Variants in SLC9A9 observed in about 807,000 individuals in gnomAD.
The protein encoded by SLC9A9 is sodium/hydrogen exchanger 9.
A neutral mutation model predicts 77.8 loss-of-function variants in SLC9A9; 62 were observed. The observed-to-expected ratio is 0.80, with a 90% CI of 0.65 to 0.98. The LOEUF (loss-of-function observed/expected upper bound fraction) is 0.98. Among genes scored for constraint, SLC9A9 ranks in the 50% least tolerant of loss-of-function variants. SLC9A9 has a pLI of 0.00. For synonymous variants in SLC9A9, 320 were observed against 283.5 expected (o/e 1.13, Z -1.29); for missense variants, 775 against 774.9 (o/e 1.00, Z 0.00).
chr3:143,388,367 G>A (rs1454869735), intron 12 of SLC9A9, among the ~76,000 whole-genome samples: 1 of 152,194 alleles, frequency 6.6e-6, no homozygotes, highest in East Asian at 1.9e-4. Flanking sequence ...TTATTTAAGT[G>A]TGGCACAGTA....
intron 12 of SLC9A9, among the ~76,000 whole-genome samples, chr3:143,391,174 T>A (rs368268354): frequency 1.4e-4 from 21 of 152,340 alleles, no homozygotes; most frequent in African/African-American, 4.6e-4. Flanking sequence ...CCCTGACCCC[T>A]GAGTAGCCTA....
chr3:143,391,057 C>A (rs1347718970), intron 12 of SLC9A9, among the ~76,000 whole-genome samples: 1 of 152,226 alleles, frequency 6.6e-6, no homozygotes, highest in African/African-American at 2.4e-5. Flanking sequence ...CAGCAGAATC[C>A]TCTGCAGACT....
chr3:143,459,083 T>A (rs921349156), intron 12 of SLC9A9, among the ~76,000 whole-genome samples: 1 of 151,738 alleles, frequency 6.6e-6, no homozygotes, highest in Admixed American at 6.6e-5. Flanking sequence ...ATTCTAAATT[T>A]TTTATTTATT....
At chr3:143,736,511 T>C (rs1314786782) in intron 4 of SLC9A9, among the ~76,000 whole-genome samples, 1 of 152,164 alleles carries the variant, frequency 6.6e-6, no homozygotes, top group East Asian at 1.9e-4. Context: ...AGATGTTTAG[T>C]AAACGTTGAA....
chr3:143,309,369 C>T (rs1409937502), intron 14 of SLC9A9, among the ~76,000 whole-genome samples: 2 of 149,256 alleles, frequency 1.3e-5, no homozygotes, highest in Non-Finnish European at 3.0e-5. Context: ...TATGATTGTG[C>T]TTTGCAATTA....
At chr3:143,316,068 C>T (rs142079387) in intron 14 of SLC9A9, among the ~76,000 whole-genome samples, 232 of 152,274 alleles carry the variant, frequency 1.5e-3, no homozygotes, top group Admixed American at 3.5e-3. Flanking sequence ...AGTTGGCTGA[C>T]GCAGCCAGAA....
intron 5 of SLC9A9, among the ~76,000 whole-genome samples, chr3:143,659,497 G>C (rs1285175533): frequency 6.6e-6 from 1 of 152,120 alleles, no homozygotes; most frequent in East Asian, 1.9e-4. Flanking sequence ...GGACACAAAG[G>C]GACATTACAG....
At chr3:143,816,790 C>T (rs1576748459) in intron 2 of SLC9A9, among the ~76,000 whole-genome samples, 1 of 152,270 alleles carries the variant, frequency 6.6e-6, no homozygotes, top group Non-Finnish European at 1.5e-5. Context: ...AAGAGTATTT[C>T]CCCAGATTTT....
intron 4 of SLC9A9, among the ~76,000 whole-genome samples, chr3:143,728,409 C>G (rs149714014): frequency 1.3e-5 from 2 of 152,194 alleles, no homozygotes; most frequent in Admixed American, 6.5e-5. Flanking sequence ...TGGATGGACA[C>G]AGGCCTTGAG....
intron 9 of SLC9A9, among the ~76,000 whole-genome samples, chr3:143,540,849 A>C (rs1015021095): frequency 9.2e-5 from 14 of 152,354 alleles, no homozygotes; most frequent in African/African-American, 3.4e-4. Flanking sequence ...TCAGTGCCTG[A>C]CACATTATAG....
intron 14 of SLC9A9, among the ~76,000 whole-genome samples, chr3:143,289,608 C>G (rs1180563804): frequency 1.3e-5 from 2 of 152,150 alleles, no homozygotes; most frequent in African/African-American, 2.4e-5. Flanking sequence ...GCACAACAGT[C>G]AATCCATCCA....
intron 14 of SLC9A9, among the ~76,000 whole-genome samples, chr3:143,283,227 AC>A (rs1280395353): frequency 3.3e-5 from 5 of 152,122 alleles, no homozygotes; most frequent in Non-Finnish European, 7.3e-5. Context: ...CTTATTTTGG[AC>A]TTAGTTGATA....
chr3:143,581,386 G>A (rs1362793410), intron 6 of SLC9A9, among the ~76,000 whole-genome samples: 1 of 152,096 alleles, frequency 6.6e-6, no homozygotes, highest in East Asian at 1.9e-4. Flanking sequence ...GCCCTCTTGT[G>A]CCTACAGTAT....
At chr3:143,636,377 A>G (rs1203729701) in intron 6 of SLC9A9, among the ~76,000 whole-genome samples, 1 of 152,160 alleles carries the variant, frequency 6.6e-6, no homozygotes, top group Non-Finnish European at 1.5e-5. Flanking sequence ...CGATTTCTCT[A>G]ATATTTTGCC....
At chr3:143,472,212 G>A (rs1401697489) in intron 11 of SLC9A9, among the ~76,000 whole-genome samples, 3 of 152,180 alleles carry the variant, frequency 2.0e-5, no homozygotes, top group African/African-American at 7.2e-5. Flanking sequence ...CAGTGTTCAT[G>A]GTCCTACAAA....
intron 6 of SLC9A9, among the ~76,000 whole-genome samples, chr3:143,605,787 G>A (rs886154872): frequency 1.3e-5 from 2 of 152,190 alleles, no homozygotes; most frequent in African/African-American, 4.8e-5. Flanking sequence ...GTATAGAACC[G>A]TGTTAAGCAA....
intron 9 of SLC9A9, among the ~76,000 whole-genome samples, chr3:143,545,234 A>G (rs2036766985): frequency 6.6e-6 from 1 of 152,116 alleles, no homozygotes; most frequent in Non-Finnish European, 1.5e-5. Flanking sequence ...AATTAACTCT[A>G]CACCCAAACT....
chr3:143,841,464 A>G (rs1463464207), intron 1 of SLC9A9, among the ~76,000 whole-genome samples: 1 of 152,180 alleles, frequency 6.6e-6, no homozygotes, highest in Non-Finnish European at 1.5e-5. Context: ...TTATTTTTGT[A>G]TATCAACTTT....
chr3:143,402,443 TTG>T (rs1254103591), intron 12 of SLC9A9, among the ~76,000 whole-genome samples: 5 of 123,328 alleles, frequency 4.1e-5, no homozygotes, highest in Non-Finnish European at 8.3e-5. Flanking sequence ...CTTAGCACCT[TTG>T]TGTTTTTTTT....
Sources: gnomAD v4.1 joint callset for allele counts (sites outside exome capture counted in the v4.1 genomes callset) on GRCh38, gnomAD v4.1.1 for gene constraint, MANE v1.5 for transcripts, NCBI Gene and HGNC (gene_info 2026-07-23, HGNC 2026-07-21) for gene names.